Variants in BTBD9 observed in about 807,000 individuals in gnomAD.
The protein encoded by BTBD9 is BTB domain containing 9.
In BTBD9, 49 loss-of-function variants were observed where a neutral mutation model predicts 64.3. The ratio of observed to expected loss-of-function variants is 0.76; its 90% CI spans 0.61 to 0.97. The LOEUF is 0.97. Ranked by LOEUF, BTBD9 falls within the 50% of genes least tolerant of loss-of-function variation. The pLI, the probability that BTBD9 is intolerant of heterozygous loss-of-function variation, is 0.00. For missense variants in BTBD9, 598 were observed against 762.1 expected (o/e 0.78, Z 2.53); for synonymous variants, 260 against 274.7 (o/e 0.95, Z 0.53).
intron 10 of BTBD9, among the ~76,000 whole-genome samples, chr6:38,179,142 T>C (rs9462400): frequency 0.61 from 92,439 of 152,058 alleles, 29,840 homozygotes; most frequent in Non-Finnish European, 0.74. Flanking sequence ...TGAGCTACCA[T>C]GCCCAGCCTA....
chr6:38,304,907 C>G (rs1762569479), intron 7 of BTBD9, among the ~76,000 whole-genome samples: 1 of 151,994 alleles, frequency 6.6e-6, no homozygotes. Context: ...ACTTAATAGC[C>G]AAATCAGTAC....
intron 7 of BTBD9, among the ~76,000 whole-genome samples, chr6:38,303,002 T>C (rs1051568139): frequency 3.9e-5 from 6 of 152,176 alleles, no homozygotes; most frequent in Admixed American, 2.0e-4. Flanking sequence ...TTATTTATTT[T>C]GCCGTTGAGT....
chr6:38,486,696 C>A (rs1771446785), intron 6 of BTBD9, among the ~76,000 whole-genome samples: 3 of 152,088 alleles, frequency 2.0e-5, no homozygotes, highest in Non-Finnish European at 1.5e-5. Flanking sequence ...CAGATCACTA[C>A]AATAGATATA....
intron 8 of BTBD9, among the ~76,000 whole-genome samples, chr6:38,286,912 T>A (rs1254368035): frequency 6.6e-6 from 1 of 151,288 alleles, no homozygotes; most frequent in African/African-American, 2.4e-5. Flanking sequence ...TGAAACCCCA[T>A]CTCTACTAAA....
At chr6:38,217,692 C>CTT (rs796145470) in intron 9 of BTBD9, among the ~76,000 whole-genome samples, 2 of 75,608 alleles carry the variant, frequency 2.6e-5, no homozygotes, top group Admixed American at 1.3e-4. Context: ...TTATTTTTTT[C>CTT]TTTTTTCTTT....
intron 6 of BTBD9, among the ~76,000 whole-genome samples, chr6:38,480,029 G>A (rs1771064581): frequency 6.6e-6 from 1 of 152,140 alleles, no homozygotes; most frequent in Non-Finnish European, 1.5e-5. Context: ...ATGCCCAGAT[G>A]AGCACTAAAA....
At chr6:38,443,144 TAACA>T (rs1379934469) in intron 6 of BTBD9, among the ~76,000 whole-genome samples, 1 of 152,172 alleles carries the variant, frequency 6.6e-6, no homozygotes, top group African/African-American at 2.4e-5. Context: ...ATGAACAATT[TAACA>T]AACAAAGCTA....
intron 9 of BTBD9, among the ~76,000 whole-genome samples, chr6:38,255,193 A>C (rs1764534062): frequency 6.6e-6 from 1 of 152,248 alleles, no homozygotes; most frequent in Non-Finnish European, 1.5e-5. Flanking sequence ...ATTTATATGA[A>C]ATGTCCAGAG....
At chr6:38,549,301 G>A (rs567272061) in intron 6 of BTBD9, among the ~76,000 whole-genome samples, 34 of 152,256 alleles carry the variant, frequency 2.2e-4, no homozygotes, top group African/African-American at 7.9e-4. Flanking sequence ...ATAGATAATG[G>A]ATATAAAACA....
chr6:38,202,073 G>A (rs149269781), intron 9 of BTBD9, among the ~76,000 whole-genome samples: 95 of 146,758 alleles, frequency 6.5e-4, no homozygotes, highest in Admixed American at 2.2e-3. Flanking sequence ...ATCCAAAAAT[G>A]TCGTTTTTTT....
intron 6 of BTBD9, among the ~76,000 whole-genome samples, chr6:38,476,867 C>T (rs1770907392): frequency 6.6e-6 from 1 of 152,206 alleles, no homozygotes; most frequent in African/African-American, 2.4e-5. Flanking sequence ...GCCAATATGG[C>T]AAATAATCAT....
intron 8 of BTBD9, among the ~76,000 whole-genome samples, chr6:38,268,235 T>C (rs1765081608): frequency 6.6e-6 from 1 of 152,230 alleles, no homozygotes; most frequent in South Asian, 2.1e-4. Flanking sequence ...ACTGAGCTTA[T>C]TCTCCTGCCC....
At chr6:38,382,234 G>A (rs1765965659) in intron 6 of BTBD9, among the ~76,000 whole-genome samples, 1 of 152,134 alleles carries the variant, frequency 6.6e-6, no homozygotes, top group Non-Finnish European at 1.5e-5. Flanking sequence ...CCACACTGCT[G>A]GTGAAGGTGT....
At chr6:38,292,701 T>G (rs1289892317) in intron 7 of BTBD9, among the ~76,000 whole-genome samples, 1 of 152,192 alleles carries the variant, frequency 6.6e-6, no homozygotes, top group East Asian at 1.9e-4. Flanking sequence ...TATTTGATTC[T>G]TCTCTCTTTT....
At chr6:38,522,348 C>T (rs995534859) in intron 6 of BTBD9, among the ~76,000 whole-genome samples, 1 of 105,118 alleles carries the variant, frequency 9.5e-6, no homozygotes, top group African/African-American at 3.2e-5. Flanking sequence ...CACATTTATA[C>T]TTCTCAAATT....
At chr6:38,626,554 G>A (rs537097045) in intron 1 of BTBD9, among the ~76,000 whole-genome samples, 1 of 152,274 alleles carries the variant, frequency 6.6e-6, no homozygotes, top group East Asian at 1.9e-4. Context: ...ACACATGTTT[G>A]CATGGATGAA....
chr6:38,277,246 T>C lies in BTBD9; in HGVS notation c.1454+11026A>G, dbSNP rs534610692. Among the ~76,000 whole-genome samples the C allele has an allele frequency of 3.9e-5, 6 of 152,274 alleles. 1 individual carries two copies. The South Asian group carries it at 1.2e-3, about 32-fold the overall frequency. On this transcript the variant is annotated intron_variant, in intron 8 of 10. Coordinates refer to ENST00000481247, the MANE Select transcript of BTBD9 (RefSeq NM_001099272.2). ...AGTTTTTTTCAAGAAGTAAGTGTCATGAATATGAAACCAAACATATATAAT... is the reference window on the plus strand; with the variant it reads ...AGTTTTTTTCAAGAAGTAAGTGTCACGAATATGAAACCAAACATATATAAT...
At position 38,443,957 on chromosome 6, in the gene BTBD9, T is replaced by C. The variant is rs573427240; in HGVS notation, c.1155-98864A>G. On this transcript the variant is annotated intron_variant, in intron 6 of 10. Coordinates refer to ENST00000481247, the MANE Select transcript of BTBD9 (RefSeq NM_001099272.2). ...TGTGTCATTCCCCTGCTTAAGTGGTTTCCTGCCTCTACAGGCTGCATCAGT... is the reference window on the plus strand; with the variant it reads ...TGTGTCATTCCCCTGCTTAAGTGGTCTCCTGCCTCTACAGGCTGCATCAGT... 5.3e-5 allele frequency among the ~76,000 whole-genome samples: 8 copies of C among 152,306 alleles called. No homozygotes were observed. In the South Asian group the frequency reaches 8.3e-4, roughly 16 times the overall value.
At chr6:38,197,942 G>A (rs1299955338) in intron 9 of BTBD9, among the ~76,000 whole-genome samples, 5 of 152,170 alleles carry the variant, frequency 3.3e-5, no homozygotes, top group Non-Finnish European at 5.9e-5. Context: ...GTGATTGTTC[G>A]CTGAGGAGAG....
Sources: gnomAD v4.1 joint callset for allele counts (sites outside exome capture counted in the v4.1 genomes callset) on GRCh38, gnomAD v4.1.1 for gene constraint, MANE v1.5 for transcripts, NCBI Gene and HGNC (gene_info 2026-07-23, HGNC 2026-07-21) for gene names.